The following PKHD1 variants were observed in gnomAD, a reference collection of about 807,000 sequenced individuals.
The protein encoded by PKHD1 is PKHD1 ciliary IPT domain containing fibrocystin/polyductin, also known as fibrocystin.
In PKHD1, 291 loss-of-function variants were observed where a neutral mutation model predicts 412.0. The ratio of observed to expected loss-of-function variants is 0.71; its 90% CI spans 0.64 to 0.78. The LOEUF (loss-of-function observed/expected upper bound fraction) is 0.78. Ranked by LOEUF, PKHD1 falls within the 30% of genes least tolerant of loss-of-function variation. The probability of loss-of-function intolerance (pLI) is 0.00; values close to 1 mark genes in which losing one functional copy is unlikely to be tolerated. For missense variants in PKHD1, 4,825 were observed against 4,950.7 expected (o/e 0.97, Z 0.76); for synonymous variants, 1,777 against 1,821.5 (o/e 0.98, Z 0.62).
chr6:52,072,155 C>T lies in PKHD1; in HGVS notation c.562G>A (p.Val188Ile). 6.2e-7 allele frequency: 1 copy of T among 1,610,068 alleles called. No individual in the cohort carries two copies. Among genetic ancestry groups the T allele is most frequent in the Non-Finnish European group, 8.5e-7 (1 of 1,176,458 alleles). ...CTATTTATAAGAGAGCAAGGAGTAA[C>T]CCATTTGTCTCCTTGAGCTTCCAAG... Reference protein sequence around the residue: ...VILEAQGDKWVTPCSLINRQM... With the variant: ...VILEAQGDKWITPCSLINRQM... The change falls in exon 8 of 67, where the codon GTT becomes ATT. Residue 188 changes from valine to isoleucine, a missense_variant. Val to Ile is a conservative substitution (Grantham distance 29, BLOSUM62 3). Coordinates refer to ENST00000371117, the MANE Select transcript of PKHD1 (RefSeq NM_138694.4).
intron 35 of PKHD1, among the ~76,000 whole-genome samples, chr6:51,975,147 T>G (rs939332086): frequency 3.3e-5 from 5 of 151,978 alleles, no homozygotes; most frequent in Non-Finnish European, 5.9e-5. Flanking sequence ...AAAATTGAAT[T>G]TTAAAGATAG....
intron 60 of PKHD1, among the ~76,000 whole-genome samples, chr6:51,665,395 TA>T (rs1773573416): frequency 6.6e-6 from 1 of 152,118 alleles, no homozygotes; most frequent in African/African-American, 2.4e-5. Flanking sequence ...TCAGATATAT[TA>T]TTGTGGATAA....
intron 15 of PKHD1, among the ~76,000 whole-genome samples, chr6:52,059,635 CACAT>C (rs904317754): frequency 2.6e-5 from 4 of 152,070 alleles, no homozygotes; most frequent in South Asian, 2.1e-4. Context: ...TACACACAAA[CACAT>C]ACATAATATA....
intron 60 of PKHD1, among the ~76,000 whole-genome samples, chr6:51,727,766 C>T (rs573765460): frequency 3.5e-4 from 54 of 152,122 alleles, no homozygotes; most frequent in Admixed American, 8.5e-4. Context: ...TTCTTCCTGG[C>T]GTCTCCATTC....
At chr6:51,731,219 G>GA (rs1364374559) in intron 60 of PKHD1, among the ~76,000 whole-genome samples, 1 of 151,030 alleles carries the variant, frequency 6.6e-6, no homozygotes, top group Non-Finnish European at 1.5e-5. Context: ...AATAATATGG[G>GA]AAAAAAAGAG....
At chr6:51,950,857 G>A (rs765824490) in intron 36 of PKHD1, among the ~76,000 whole-genome samples, 1 of 152,086 alleles carries the variant, frequency 6.6e-6, no homozygotes, top group African/African-American at 2.4e-5. Flanking sequence ...GTAAAATAGA[G>A]TCTCCAGTTT....
intron 52 of PKHD1, among the ~76,000 whole-genome samples, chr6:51,798,432 A>G (rs1794925938): frequency 6.6e-6 from 1 of 152,146 alleles, no homozygotes; most frequent in South Asian, 2.1e-4. Context: ...TCTTTTCTTT[A>G]AGAATGTTGA....
intron 60 of PKHD1, among the ~76,000 whole-genome samples, chr6:51,670,860 AT>A (rs1324933569): frequency 6.6e-6 from 1 of 151,656 alleles, no homozygotes; most frequent in Non-Finnish European, 1.5e-5. Flanking sequence ...TTCTTTAAGA[AT>A]GTTGAATATT....
Position 51,943,014 on chromosome 6 carries a change from G to C in PKHD1, c.5909-8692C>G, listed in dbSNP as rs186237400. 5.2e-3 allele frequency among the ~76,000 whole-genome samples: 795 copies of C among 151,630 alleles called. 12 individuals are homozygous for C. Among genetic ancestry groups the C allele is most frequent in the African/African-American group, 0.018 (762 of 41,448 alleles). ...GGTAGACACTTTCACTGGATAGGTA[G>C]AGGCCTTTCCCACAGGGTCTAAGAA... On this transcript the variant is annotated intron_variant, in intron 36 of 66. Coordinates refer to ENST00000371117, the MANE Select transcript of PKHD1 (RefSeq NM_138694.4).
intron 60 of PKHD1, among the ~76,000 whole-genome samples, chr6:51,662,870 TTCTATG>T (rs1773091279): frequency 6.6e-6 from 1 of 152,066 alleles, no homozygotes; most frequent in South Asian, 2.1e-4. Flanking sequence ...TTTTGAACTG[TTCTATG>T]TCTCTTAATG....
intron 40 of PKHD1, among the ~76,000 whole-genome samples, chr6:51,907,524 C>T (rs1285075529): frequency 6.6e-6 from 1 of 152,162 alleles, no homozygotes; most frequent in Admixed American, 6.6e-5. Context: ...CCAGTAAGTA[C>T]TTATGTGTTT....
chr6:51,743,424 T>C (rs977711029), intron 60 of PKHD1, among the ~76,000 whole-genome samples: 4 of 152,106 alleles, frequency 2.6e-5, no homozygotes, highest in African/African-American at 9.7e-5. Flanking sequence ...AGGTTGTAGA[T>C]TGGGGAAGAG....
At chr6:51,856,646 CCAG>C (rs1391346401) in intron 48 of PKHD1, among the ~76,000 whole-genome samples, 1 of 152,162 alleles carries the variant, frequency 6.6e-6, no homozygotes, top group African/African-American at 2.4e-5. Flanking sequence ...CTCAAAATGC[CCAG>C]CAGGAGTGGC....
At chr6:51,867,594 A>G (rs571185800) in intron 48 of PKHD1, among the ~76,000 whole-genome samples, 1 of 152,294 alleles carries the variant, frequency 6.6e-6, no homozygotes, top group South Asian at 2.1e-4. Context: ...AGTCTTTCTA[A>G]GAAGAAGTTA....
intron 15 of PKHD1, 55 bp downstream of exon 15, chr6:52,059,873 T>G (rs1444102855): frequency 3.5e-6 from 3 of 861,430 alleles, no homozygotes; most frequent in Non-Finnish European, 6.1e-6. Context: ...TCTTTCTTTC[T>G]TCATGGGTAT....
intron 40 of PKHD1, among the ~76,000 whole-genome samples, chr6:51,909,054 C>G (rs1782565519): frequency 6.6e-6 from 1 of 152,110 alleles, no homozygotes; most frequent in African/African-American, 2.4e-5. Flanking sequence ...CTAAGCCTAC[C>G]TTAGACCAGA....
rs1174461021 is a variant in PKHD1, at chr6:52,082,558, G to A, written c.131-16C>T. On this transcript the variant is annotated splice_polypyrimidine_tract_variant and intron_variant, in intron 3 of 66. Transcript: ENST00000371117. ...AACTCCAAACCTAACACAAGGGAAA[G>A]AAATCTCAGGCTGCATAGAATTGTC... 22 of 1,613,516 alleles carry A rather than the reference G, an allele frequency of 1.4e-5. No homozygotes were observed. The Admixed American group carries it at 2.5e-4, about 18-fold the overall frequency.
At position 51,885,907 on chromosome 6, in the gene PKHD1, A is replaced by G; in HGVS notation, c.7175T>C (p.Phe2392Ser). The G allele has an allele frequency of 1.2e-6, 2 of 1,613,480 alleles. No individual in the cohort carries two copies. The highest frequency in any genetic ancestry group is 1.7e-6 in the Non-Finnish European group (2 of 1,179,522). The change falls in exon 45 of 67, where the codon TTC (phenylalanine) becomes TCC (serine). Residue 2392 changes from phenylalanine to serine, a missense_variant. Transcript: ENST00000371117. ...ACTTTCCCAAACTGTGAAGCTCTGG[A>G]ACAGAGTGGTGCCAGTGACATTATC... The part of the protein sequence containing the change: ...PWDNVTGTTL[F>S]QSFTVWESAG...
intron 52 of PKHD1, among the ~76,000 whole-genome samples, chr6:51,794,776 A>C (rs1794336665): frequency 6.6e-6 from 1 of 152,074 alleles, no homozygotes; most frequent in Admixed American, 6.6e-5. Context: ...ATTAAACAGA[A>C]TATTCTTCCC....
Sources: allele counts gnomAD v4.1 joint callset (sites outside exome capture counted in the v4.1 genomes callset), GRCh38; gene constraint gnomAD v4.1.1; transcripts MANE v1.5; gene names NCBI Gene and HGNC (gene_info 2026-07-23, HGNC 2026-07-21).